Variants in OCA2 observed in about 807,000 individuals in gnomAD.
OCA2 encodes OCA2 melanosomal transmembrane protein.
In OCA2, 77 loss-of-function variants were observed where a neutral mutation model predicts 100.2. The ratio of observed to expected loss-of-function variants is 0.77; its 90% CI spans 0.64 to 0.93. The LOEUF is 0.93. Ranked by LOEUF, OCA2 falls within the 40% of genes least tolerant of loss-of-function variation. OCA2 has a pLI of 0.00. For synonymous variants in OCA2, 432 were observed against 439.2 expected, an observed-to-expected ratio of 0.98 and a Z score of 0.21; for missense variants, 1,062 against 1,089.1, an observed-to-expected ratio of 0.98 and a Z score of 0.35.
In OCA2 at chr15:27,990,600, CA is replaced by C; in HGVS notation, c.1091del (p.Leu364ArgfsTer6). 2.5e-6 allele frequency: 4 copies of C among 1,614,070 alleles called. No individual in the cohort carries two copies. The highest frequency in any genetic ancestry group is 3.4e-6 in the Non-Finnish European group (4 of 1,180,026). On this transcript the variant is annotated frameshift_variant, in exon 10 of 24. Transcript: ENST00000354638. LOFTEE classifies it high-confidence loss of function. ...LAAMLGSLAA[L>X]AALAVIGDRP... ...CATCGCCAATCACAGCCAGTGCTGC[CA>C]GTGCTGCAAGGGAACCCAGCATGGC...
chr15:27,820,132 A>T (rs1426551536), intron 23 of OCA2, among the ~76,000 whole-genome samples: 2 of 39,266 alleles, frequency 5.1e-5, no homozygotes, highest in Non-Finnish European at 1.3e-4. Context: ...GTCCAAACTG[A>T]TATAAATGAA....
chr15:27,749,901 AATTCTTCCC>A (rs2150961520), downstream of OCA2, among the ~76,000 whole-genome samples: 1 of 152,356 alleles, frequency 6.6e-6, no homozygotes, highest in South Asian at 2.1e-4. Flanking sequence ...TAAAATTGTC[AATTCTTCCC>A]AAATTAACTT....
intron 19 of OCA2, among the ~76,000 whole-genome samples, chr15:27,913,893 AAGCAAGCAAGC>A (rs2038540288): frequency 7.0e-5 from 2 of 28,464 alleles, no homozygotes; most frequent in Non-Finnish European, 1.2e-4. Flanking sequence ...GAAAGAAAGA[AAGCAAGCAAGC>A]AAGCAAGCAA....
At position 27,935,287 on chromosome 15, in the gene OCA2, C is replaced by T. The variant is rs1161312193; in HGVS notation, c.1952-9033G>A. Among the ~76,000 whole-genome samples, 4 of 152,150 alleles carry T rather than the reference C, an allele frequency of 2.6e-5. No individual in the cohort carries two copies. In the South Asian group the frequency reaches 6.2e-4, roughly 24 times the overall value. Reference sequence around the variant, plus strand: ...TGGAGCTTCTATCAAACGCTTTCCTCGAGTGGGCATTAATCTCTCACCAAG... The same window carrying T: ...TGGAGCTTCTATCAAACGCTTTCCTTGAGTGGGCATTAATCTCTCACCAAG... On this transcript the variant is annotated intron_variant, in intron 18 of 23. Coordinates refer to ENST00000354638, the MANE Select transcript of OCA2 (RefSeq NM_000275.3).
At chr15:28,050,113 T>C (rs978115190) in intron 2 of OCA2, among the ~76,000 whole-genome samples, 2 of 151,452 alleles carry the variant, frequency 1.3e-5, no homozygotes, top group African/African-American at 4.9e-5. Context: ...ATCCCATCTC[T>C]CCAGAAAAAA....
At chr15:27,762,299 T>G (rs2030903137) in intron 23 of OCA2, among the ~76,000 whole-genome samples, 1 of 152,094 alleles carries the variant, frequency 6.6e-6, no homozygotes, top group Non-Finnish European at 1.5e-5. Flanking sequence ...TTTCCATACA[T>G]GCCCATTGAC....
chr15:27,730,169 T>C, the OCA2 span, among the ~76,000 whole-genome samples: 19 of 152,214 alleles, frequency 1.2e-4, no homozygotes, highest in African/African-American at 4.1e-4. Context: ...CCTCCTCTGG[T>C]TTGATAATTT....
intron 6 of OCA2, among the ~76,000 whole-genome samples, chr15:28,020,783 G>A (rs1170526033): frequency 6.6e-6 from 1 of 152,182 alleles, no homozygotes; most frequent in Non-Finnish European, 1.5e-5. Flanking sequence ...AGTGGAAGTG[G>A]AGTGCTTCTA....
chr15:27,984,491 G>C (rs1482381478), intron 13 of OCA2, among the ~76,000 whole-genome samples: 1 of 152,234 alleles, frequency 6.6e-6, no homozygotes, highest in African/African-American at 2.4e-5. Context: ...GATGGTGATG[G>C]AGAAGAACAT....
At chr15:27,834,424 A>G (rs1003489752) in intron 23 of OCA2, among the ~76,000 whole-genome samples, 2 of 152,302 alleles carry the variant, frequency 1.3e-5, no homozygotes, top group African/African-American at 4.8e-5. Flanking sequence ...TACCCTTTAA[A>G]ATAAGTAGTA....
At chr15:27,974,966 C>A (rs1595747696) in intron 14 of OCA2, among the ~76,000 whole-genome samples, 2 of 152,194 alleles carry the variant, frequency 1.3e-5, no homozygotes, top group African/African-American at 4.8e-5. Context: ...TTCCTACCAT[C>A]GTATTTAAAA....
At chr15:27,794,942 T>A (rs1273448735) in intron 23 of OCA2, among the ~76,000 whole-genome samples, 9 of 152,184 alleles carry the variant, frequency 5.9e-5, no homozygotes, top group Non-Finnish European at 1.0e-4. Context: ...CAGAAAACAA[T>A]CTATTCTAGT....
chr15:28,018,589 G>A, intron 6 of OCA2, 32 bp from the exon 7 acceptor site: 1 of 1,607,100 alleles, frequency 6.2e-7, no homozygotes, highest in Non-Finnish European at 8.5e-7. Flanking sequence ...CCACAAGGCA[G>A]ACAGGAGAAA....
At chr15:27,721,042 C>G in the OCA2 span, among the ~76,000 whole-genome samples, 1 of 152,206 alleles carries the variant, frequency 6.6e-6, no homozygotes, top group Non-Finnish European at 1.5e-5. Context: ...TCTAGTGACA[C>G]TTGGCACTGC....
At chr15:28,002,059 A>C (rs1454580295) in intron 9 of OCA2, among the ~76,000 whole-genome samples, 2 of 152,202 alleles carry the variant, frequency 1.3e-5, no homozygotes, top group Non-Finnish European at 2.9e-5. Context: ...ATTGGTTCAG[A>C]TGTGGGGCAC....
chr15:27,805,317 T>G (rs2033789408), intron 23 of OCA2, among the ~76,000 whole-genome samples: 1 of 152,216 alleles, frequency 6.6e-6, no homozygotes, highest in African/African-American at 2.4e-5. Flanking sequence ...GCGATAAGCC[T>G]TAGGGGCTGC....
At chr15:27,824,622 A>ATATATATATATATATATATAT (rs56130193) in intron 23 of OCA2, among the ~76,000 whole-genome samples, 1 of 69,174 alleles carries the variant, frequency 1.4e-5, no homozygotes, top group Non-Finnish European at 2.6e-5. Flanking sequence ...ATATATATAT[A>ATATATATATATATATATATAT]ATATAATATA....
chr15:27,741,674 T>C, the OCA2 span, among the ~76,000 whole-genome samples: 1 of 152,176 alleles, frequency 6.6e-6, no homozygotes, highest in Non-Finnish European at 1.5e-5. Flanking sequence ...CAGAGTTTTA[T>C]GTAAGTCGCA....
chr15:28,091,636 G>T (rs1232886690), intron 1 of OCA2, among the ~76,000 whole-genome samples: 3 of 152,106 alleles, frequency 2.0e-5, no homozygotes, highest in Admixed American at 1.3e-4. Flanking sequence ...ACATTAATAG[G>T]ATCATTAGTC....
Sources: gnomAD v4.1 joint callset for allele counts (sites outside exome capture counted in the v4.1 genomes callset) on GRCh38, gnomAD v4.1.1 for gene constraint, MANE v1.5 for transcripts, NCBI Gene and HGNC (gene_info 2026-07-23, HGNC 2026-07-21) for gene names.